RTKN2: variants seen among roughly 807,000 people sequenced by gnomAD.
RTKN2 encodes the protein rhotekin-2.
RTKN2 carries 69 observed loss-of-function variants against 71.5 expected under a neutral mutation model. The observed-to-expected ratio is 0.96, with a 90% CI of 0.79 to 1.18. The LOEUF is 1.18. RTKN2 is among the 50% of genes most tolerant of loss of function. The pLI, the probability that RTKN2 is intolerant of heterozygous loss-of-function variation, is 0.00. For missense variants in RTKN2, 724 were observed against 719.7 expected, an observed-to-expected ratio of 1.01 and a Z score of -0.07; for synonymous variants, 236 against 236.5, an observed-to-expected ratio of 1.00 and a Z score of 0.02.
At chr10:62,233,057 A>C (rs1156435147) in intron 6 of RTKN2, among the ~76,000 whole-genome samples, 1 of 152,226 alleles carries the variant, frequency 6.6e-6, no homozygotes, top group African/African-American at 2.4e-5. Context: ...GTAAAGGTGC[A>C]TGAAACTCCA....
chr10:62,188,507 G>T (rs1265587192), downstream of RTKN2, among the ~76,000 whole-genome samples: 1 of 152,120 alleles, frequency 6.6e-6, no homozygotes, highest in African/African-American at 2.4e-5. Flanking sequence ...CCTTTGAAGG[G>T]AAGAGTGTCA....
At chr10:62,229,877 T>C (rs552388223) in intron 6 of RTKN2, among the ~76,000 whole-genome samples, 3 of 152,260 alleles carry the variant, frequency 2.0e-5, no homozygotes, top group South Asian at 2.1e-4. Context: ...GAATGACACA[T>C]AACAATATGA....
intron 1 of RTKN2, among the ~76,000 whole-genome samples, chr10:62,266,141 T>TA (rs1336110530): frequency 2.0e-5 from 3 of 152,170 alleles, no homozygotes; most frequent in African/African-American, 7.2e-5. Flanking sequence ...TATAAGTAGT[T>TA]AAAGTCAGGC....
chr10:62,193,464 A>T lies in RTKN2; in HGVS notation c.*4444T>A. 1.0e-6 allele frequency: 1 copy of T among 982,768 alleles called. No homozygotes were observed. The highest frequency in any genetic ancestry group is 1.7e-5 in the African/African-American group (1 of 57,324). The allele number at this position is 982,768 out of a possible 1,614,324, so 60.9% of individuals were successfully genotyped here. A position where few individuals can be genotyped will look rare whatever the true frequency, so the allele number is the denominator to read the frequency against. On this transcript the variant is annotated 3_prime_UTR_variant, in exon 12 of 12. Coordinates refer to ENST00000373789, the MANE Select transcript of RTKN2 (RefSeq NM_145307.4). ...ATTTCTGTAACTTTTTTTGTTGTTA[A>T]TTGAATGTAAAGGTAGTTTGTTTCT...
At chr10:62,184,778 A>C (rs1047697503) in intron 8 of RTKN2, among the ~76,000 whole-genome samples, 1 of 152,184 alleles carries the variant, frequency 6.6e-6, no homozygotes, top group Non-Finnish European at 1.5e-5. Context: ...CAAATAACCC[A>C]AGTCGCTAAT....
chr10:62,264,726 G>C (rs1842837931), intron 1 of RTKN2, among the ~76,000 whole-genome samples: 1 of 152,154 alleles, frequency 6.6e-6, no homozygotes, highest in African/African-American at 2.4e-5. Context: ...GGTTCTCAAA[G>C]CTGGCTGCAT....
downstream of RTKN2, among the ~76,000 whole-genome samples, chr10:62,190,850 T>C (rs905324135): frequency 2.0e-5 from 3 of 152,116 alleles, no homozygotes; most frequent in Non-Finnish European, 2.9e-5. Flanking sequence ...ATATCCCATC[T>C]CTCACCTACT....
intron 5 of RTKN2, chr10:62,238,500 T>G (rs1053963032): frequency 1.3e-5 from 2 of 151,860 alleles, no homozygotes; most frequent in African/African-American, 2.4e-5. Flanking sequence ...GCCCATCAAC[T>G]GGTAATTTTG....
chr10:62,252,646 C>G (rs1300867468), intron 2 of RTKN2, among the ~76,000 whole-genome samples: 1 of 149,424 alleles, frequency 6.7e-6, no homozygotes, highest in East Asian at 2.0e-4. Flanking sequence ...ACAATAAGCT[C>G]ATTGATCTTG....
intron 2 of RTKN2, among the ~76,000 whole-genome samples, chr10:62,256,186 A>G (rs1842671711): frequency 6.6e-6 from 1 of 151,590 alleles, no homozygotes; most frequent in African/African-American, 2.4e-5. Flanking sequence ...ACCTGGCTAA[A>G]TCTTTCTGTA....
intron 5 of RTKN2, chr10:62,238,731 A>G (rs758064341): frequency 6.6e-6 from 1 of 151,978 alleles, no homozygotes; most frequent in African/African-American, 2.4e-5. Context: ...TACTATTACT[A>G]TGAGACACTG....
intron 9 of RTKN2, among the ~76,000 whole-genome samples, chr10:62,211,784 C>T (rs2132857298): frequency 6.6e-6 from 1 of 152,018 alleles, no homozygotes; most frequent in East Asian, 1.9e-4. Context: ...CCTTACTTAG[C>T]CTCCCGAGTA....
chr10:62,246,967 C>G (rs1172338125), intron 2 of RTKN2, among the ~76,000 whole-genome samples: 1 of 151,922 alleles, frequency 6.6e-6, no homozygotes, highest in Non-Finnish European at 1.5e-5. Flanking sequence ...ATTAGCATTC[C>G]ATTTACAGGG....
At chr10:62,218,890 G>A (rs542202105) in intron 7 of RTKN2, among the ~76,000 whole-genome samples, 1 of 152,232 alleles carries the variant, frequency 6.6e-6, no homozygotes, top group South Asian at 2.1e-4. Flanking sequence ...GGAGGCTGAG[G>A]CCGAAGAATC....
Position 62,204,915 on chromosome 10 carries a change from G to C in RTKN2, c.1128C>G (p.Asp376Glu), listed in dbSNP as rs1841516635. 15 of 1,600,840 alleles carry C rather than the reference G, an allele frequency of 9.4e-6. No individual in the cohort carries two copies. The East Asian group carries it at 3.4e-4, about 36-fold the overall frequency. ...TCCACTTCTGAAGATCTTCTCTATT[G>C]TCAACTGCAAAAATCTGAGTTATAG... ...GQAITQIFAV[D>E]NREDLQKWME... Residue 376 changes from aspartate to glutamate, a missense_variant, in exon 10 of 12, where the codon GAC becomes GAG. By Grantham distance (45) the Asp-to-Glu change is conservative. Transcript: ENST00000373789.
intron 2 of RTKN2, among the ~76,000 whole-genome samples, chr10:62,261,259 AG>A (rs1842768431): frequency 6.6e-6 from 1 of 152,238 alleles, no homozygotes; most frequent in East Asian, 1.9e-4. Flanking sequence ...GCATTACATT[AG>A]GTTTTTGTAT....
At chr10:62,247,215 G>A (rs545871638) in intron 2 of RTKN2, among the ~76,000 whole-genome samples, 3 of 152,004 alleles carry the variant, frequency 2.0e-5, no homozygotes, top group Non-Finnish European at 4.4e-5. Context: ...CAGTAGGTCT[G>A]TTAAAAAGAC....
chr10:62,220,465 T>C (rs73281971), intron 7 of RTKN2, among the ~76,000 whole-genome samples: 1 of 152,186 alleles, frequency 6.6e-6, no homozygotes, highest in Non-Finnish European at 1.5e-5. Flanking sequence ...AATTTAGAAG[T>C]TTGAAAGCAA....
intron 8 of RTKN2, among the ~76,000 whole-genome samples, chr10:62,185,859 T>A (rs1347408484): frequency 6.6e-6 from 1 of 152,244 alleles, no homozygotes; most frequent in Non-Finnish European, 1.5e-5. Flanking sequence ...GGGGTTGGGA[T>A]AATAGTAATA....
Sources: gnomAD v4.1 joint callset for allele counts (sites outside exome capture counted in the v4.1 genomes callset) on GRCh38, gnomAD v4.1.1 for gene constraint, MANE v1.5 for transcripts, NCBI Gene and HGNC (gene_info 2026-07-23, HGNC 2026-07-21) for gene names.